Variants in SETBP1 observed in about 807,000 individuals in gnomAD.
SETBP1 encodes the protein SET-binding protein.
SETBP1 carries 9 observed loss-of-function variants against 101.0 expected under a neutral mutation model. The observed-to-expected ratio is 0.09, with a 90% CI of 0.05 to 0.16. The LOEUF is 0.16. Among genes scored for constraint, SETBP1 ranks in the 10% least tolerant of loss-of-function variants. The pLI is 1.00. For missense variants in SETBP1, 1,858 were observed against 2,033.8 expected, an observed-to-expected ratio of 0.91 and a Z score of 1.66; for synonymous variants, 818 against 788.5, an observed-to-expected ratio of 1.04 and a Z score of -0.63.
rs183860745 is a variant in SETBP1 at position 44,789,398 on chromosome 18, G to A, written c.487-79832G>A. Among the ~76,000 whole-genome samples the A allele has an allele frequency of 2.6e-5, 4 of 152,196 alleles. No homozygotes were observed. The East Asian group carries it at 7.7e-4, about 29-fold the overall frequency. On this transcript the variant is annotated intron_variant, in intron 2 of 5. Transcript: ENST00000649279. The stretch of plus-strand genomic sequence containing the variant: ...CATAAAATTGATTTATTGAAATAAC[G>A]TTTCCTTGCTCTGTGTTTCAGCAAG...
At chr18:44,904,769 C>G (rs1599302079) in intron 3 of SETBP1, among the ~76,000 whole-genome samples, 1 of 152,260 alleles carries the variant, frequency 6.6e-6, no homozygotes, top group Admixed American at 6.5e-5. Flanking sequence ...CCTTCTACCT[C>G]ATGGTTCTGC....
At position 44,949,968 on chromosome 18, in the gene SETBP1, C is replaced by A; in HGVS notation, c.628C>A (p.His210Asn). The stretch of plus-strand genomic sequence containing the variant: ...CACCGGTGACACCTTAAAACCAAAG[C>A]ACCAGCAAAAAAGCAGCAGCCAGAA... ...DFTGDTLKPK[H>N]QQKSSSQNHM... is the part of the protein sequence containing the mutation. Residue 210 changes from histidine (H) to asparagine (N), a missense_variant, in exon 4 of 6, where the codon CAC becomes AAC. Physicochemically the swap from His to Asn is moderately conservative, Grantham distance 68 (BLOSUM62 1). Transcript: ENST00000649279. The A allele has an allele frequency of 6.2e-7, 1 of 1,614,148 alleles. No homozygotes were observed. The highest frequency in any genetic ancestry group is 1.1e-5 in the South Asian group (1 of 91,074).
intron 1 of SETBP1, among the ~76,000 whole-genome samples, chr18:44,690,241 G>A (rs1394247897): frequency 6.6e-6 from 1 of 152,224 alleles, no homozygotes; most frequent in Non-Finnish European, 1.5e-5. Flanking sequence ...TTTAATGACA[G>A]TACAAGGTAG....
At chr18:44,708,381 T>C (rs2069265661) in intron 2 of SETBP1, among the ~76,000 whole-genome samples, 1 of 152,182 alleles carries the variant, frequency 6.6e-6, no homozygotes, top group Non-Finnish European at 1.5e-5. Flanking sequence ...GAGGTCTCCA[T>C]AGCATTTCTA....
intron 4 of SETBP1, among the ~76,000 whole-genome samples, chr18:45,025,327 G>A (rs2073143467): frequency 6.6e-6 from 1 of 152,182 alleles, no homozygotes; most frequent in South Asian, 2.1e-4. Flanking sequence ...TCTAGAAATT[G>A]ATCATTCTGC....
At chr18:44,894,587 T>A (rs777039617) in intron 3 of SETBP1, among the ~76,000 whole-genome samples, 21 of 152,186 alleles carry the variant, frequency 1.4e-4, no homozygotes, top group Non-Finnish European at 2.4e-4. Flanking sequence ...CCATTCATTA[T>A]GTCCACAATG....
intron 2 of SETBP1, among the ~76,000 whole-genome samples, chr18:44,828,527 T>G (rs2072286255): frequency 6.6e-6 from 1 of 152,212 alleles, no homozygotes; most frequent in Non-Finnish European, 1.5e-5. Flanking sequence ...ATTTTGAAAA[T>G]TATTTCTTGA....
At chr18:44,772,900 A>C (rs1001926160) in intron 2 of SETBP1, among the ~76,000 whole-genome samples, 1 of 152,246 alleles carries the variant, frequency 6.6e-6, no homozygotes, top group Non-Finnish European at 1.5e-5. Flanking sequence ...TCTACCTGAA[A>C]GAATCTTTTA....
chr18:44,950,013 A>G lies in SETBP1; in HGVS notation c.673A>G (p.Asn225Asp), dbSNP rs1189388274. 1.2e-6 allele frequency: 2 copies of G among 1,614,044 alleles called. No individual in the cohort carries two copies. Among genetic ancestry groups the G allele is most frequent in the Non-Finnish European group, 1.7e-6 (2 of 1,180,012 alleles). Reference sequence around the variant, plus strand: ...CCAGAACCACATGGACTGGTCCACCAACTCTGACAGCGGACCCGTCACTCA... The same window carrying G: ...CCAGAACCACATGGACTGGTCCACCGACTCTGACAGCGGACCCGTCACTCA... ...SSQNHMDWST[N>D]SDSGPVTQNC... The change falls in exon 4 of 6, where the codon AAC becomes GAC. Residue 225 changes from asparagine to aspartate, a missense_variant. Asn to Asp is a conservative substitution (Grantham distance 23). Coordinates refer to ENST00000649279, the MANE Select transcript of SETBP1 (RefSeq NM_015559.3).
At chr18:44,999,961 C>G (rs2072582566) in intron 4 of SETBP1, among the ~76,000 whole-genome samples, 1 of 152,196 alleles carries the variant, frequency 6.6e-6, no homozygotes, top group Non-Finnish European at 1.5e-5. Flanking sequence ...AAGCAAAACA[C>G]AAAAATCATG....
intron 3 of SETBP1, among the ~76,000 whole-genome samples, chr18:44,904,929 G>T (rs2070138219): frequency 6.6e-6 from 1 of 152,136 alleles, no homozygotes; most frequent in Admixed American, 6.6e-5. Context: ...ATCTCTGGTG[G>T]CCACATCTAA....
At chr18:44,910,315 G>A (rs1599309233) in intron 3 of SETBP1, among the ~76,000 whole-genome samples, 3 of 152,222 alleles carry the variant, frequency 2.0e-5, no homozygotes, top group East Asian at 1.9e-4. Flanking sequence ...GATGGCGAAG[G>A]GGTGAGCGGA....
At chr18:44,707,407 T>A (rs566866402) in intron 2 of SETBP1, among the ~76,000 whole-genome samples, 1 of 152,348 alleles carries the variant, frequency 6.6e-6, no homozygotes, top group Non-Finnish European at 1.5e-5. Context: ...TTGACAAAAA[T>A]ACAACTTCTA....
At chr18:44,856,581 C>G (rs1373235996) in intron 2 of SETBP1, among the ~76,000 whole-genome samples, 1 of 152,156 alleles carries the variant, frequency 6.6e-6, no homozygotes. Context: ...TGCTTTATAT[C>G]TTGAAATAGG....
chr18:45,002,740 A>G (rs979039383), intron 4 of SETBP1, among the ~76,000 whole-genome samples: 1 of 152,182 alleles, frequency 6.6e-6, no homozygotes, highest in Non-Finnish European at 1.5e-5. Flanking sequence ...CAACTCTCTC[A>G]TCTGAAGAGA....
Position 45,066,671 on chromosome 18 carries a change from T to A in SETBP1, c.*2973T>A, listed in dbSNP as rs2145606199. ...CAACACTGCCTTCTGGGGGCTGCAT[T>A]TTTTTTTTTTTTTTGAGAAGAGGTC... is the stretch of plus-strand genomic sequence containing the variant. On this transcript the variant is annotated 3_prime_UTR_variant, in exon 6 of 6. Transcript: ENST00000649279. 2 of 55,792 alleles carry A rather than the reference T, an allele frequency of 3.6e-5. 1 individual carries two copies. The highest frequency in any genetic ancestry group is 0.019 in the Middle Eastern group (2 of 108). The allele number at this position is 55,792 out of a possible 1,614,324, so 3.5% of individuals were successfully genotyped here.
intron 2 of SETBP1, among the ~76,000 whole-genome samples, chr18:44,773,010 C>A (rs2070909610): frequency 6.6e-6 from 1 of 151,946 alleles, no homozygotes; most frequent in Non-Finnish European, 1.5e-5. Context: ...CTTTAAATTC[C>A]TTTTACTTTC....
chr18:44,790,860 G>A (rs1318658443), intron 2 of SETBP1, among the ~76,000 whole-genome samples: 2 of 152,094 alleles, frequency 1.3e-5, no homozygotes, highest in African/African-American at 4.8e-5. Context: ...AGATAAAAAT[G>A]TACATTCCTT....
intron 2 of SETBP1, among the ~76,000 whole-genome samples, chr18:44,773,664 AAAAC>A (rs1335833789): frequency 6.6e-6 from 1 of 152,170 alleles, no homozygotes; most frequent in Non-Finnish European, 1.5e-5. Flanking sequence ...CACCCAAACC[AAAAC>A]AAACAAACAA....
Sources: allele counts gnomAD v4.1 joint callset (sites outside exome capture counted in the v4.1 genomes callset), GRCh38; gene constraint gnomAD v4.1.1; transcripts MANE v1.5; gene names NCBI Gene and HGNC (gene_info 2026-07-23, HGNC 2026-07-21).